Variants in MYCBPAP observed in about 807,000 individuals in gnomAD.
MYCBPAP encodes MYCBP-associated protein.
Under a neutral mutation model 106.1 loss-of-function variants are expected in MYCBPAP, and 60 were observed. That is an observed-to-expected ratio of 0.57 (90% CI 0.46 to 0.70). MYCBPAP has a LOEUF of 0.70. Among genes scored for constraint, MYCBPAP ranks in the 30% least tolerant of loss-of-function variants. The pLI is 0.00. For synonymous variants in MYCBPAP, 407 were observed against 440.6 expected (o/e 0.92, Z 0.95); for missense variants, 1,064 against 1,169.3 (o/e 0.91, Z 1.31).
rs368850825 is a variant in MYCBPAP, at chr17:50,523,811, G to A, written c.1635+27G>A. On this transcript the variant is annotated intron_variant, in intron 12 of 18. Coordinates refer to ENST00000323776, the MANE Select transcript of MYCBPAP (RefSeq NM_032133.6). ...TAAGGGACCCAGGACCATGGCCCCTGTGGACATCAGGTAGGGTATCCTGGT... is the reference window on the plus strand; with the variant it reads ...TAAGGGACCCAGGACCATGGCCCCTATGGACATCAGGTAGGGTATCCTGGT... The A allele has an allele frequency of 4.4e-6, 7 of 1,598,096 alleles. No individual in the cohort carries two copies. In the African/African-American group the frequency reaches 5.4e-5, roughly 12 times the overall value.
At chr17:50,513,085 G>A (rs1229220757) in intron 1 of MYCBPAP, among the ~76,000 whole-genome samples, 2 of 152,118 alleles carry the variant, frequency 1.3e-5, no homozygotes, top group Non-Finnish European at 2.9e-5. Flanking sequence ...AGGCATGTTG[G>A]TGCATGCCTG....
At position 50,519,643 on chromosome 17, in the gene MYCBPAP, T is replaced by G. The variant is rs755363695; in HGVS notation, c.772T>G (p.Trp258Gly). Residue 258 changes from tryptophan (W) to glycine (G), a missense_variant, in exon 7 of 19, where the codon TGG (tryptophan) becomes GGG (glycine). Coordinates refer to ENST00000323776, the MANE Select transcript of MYCBPAP (RefSeq NM_032133.6). ...CTCACCTTTCCTTCCTTGCCAGAGC[T>G]GGGAGAACAGTGGGTTCTGGAGTCG... is the stretch of plus-strand genomic sequence containing the variant. Reference protein sequence around the residue: ...TLPTRRDRKSWENSGFWSRLE... With the variant: ...TLPTRRDRKSGENSGFWSRLE... The G allele has an allele frequency of 6.2e-7, 1 of 1,613,960 alleles. No individual in the cohort carries two copies. Among genetic ancestry groups the G allele is most frequent in the African/African-American group, 1.3e-5 (1 of 74,924 alleles).
Position 50,524,910 on chromosome 17 carries a change from G to A in MYCBPAP, c.1669G>A (p.Val557Ile), listed in dbSNP as rs375348984. Residue 557 changes from valine to isoleucine, a missense_variant, in exon 13 of 19, where the codon GTT becomes ATT. Transcript: ENST00000323776. ...KLTAHEAVTV[V>I]REVLQELLMG... ...GACTGCCCATGAGGCAGTCACCGTC[G>A]TTCGCGAAGTGCTGCAGGAGCTGCT... 8.7e-6 allele frequency: 14 copies of A among 1,613,900 alleles called. No homozygotes were observed. The highest frequency in any genetic ancestry group is 2.2e-5 in the South Asian group (2 of 91,084).
At chr17:50,510,493 GTGTGTGTATA>G (rs1282919756) in intron 1 of MYCBPAP, 17 of 99,066 alleles carry the variant, frequency 1.7e-4, no homozygotes, top group African/African-American at 7.7e-4. Context: ...GTGTGTGTGT[GTGTGTGTATA>G]TATATATATA....
At chr17:50,511,066 A>AC (rs1340081129) in intron 1 of MYCBPAP, among the ~76,000 whole-genome samples, 1 of 151,514 alleles carries the variant, frequency 6.6e-6, no homozygotes, top group Non-Finnish European at 1.5e-5. Context: ...GAGGGAAAAA[A>AC]AATGAAGTGT....
intron 6 of MYCBPAP, 109 bp downstream of exon 6, chr17:50,519,198 GA>G: frequency 1.4e-6 from 1 of 731,668 alleles, no homozygotes; most frequent in Non-Finnish European, 2.3e-6. Context: ...CAGCTGGGGA[GA>G]AAAAACCTAT....
chr17:50,517,851 G>C (rs1441394527), intron 4 of MYCBPAP, among the ~76,000 whole-genome samples, 153 bp downstream of exon 4: 4 of 152,132 alleles, frequency 2.6e-5, no homozygotes, highest in African/African-American at 7.2e-5. Flanking sequence ...CAGAATAGTT[G>C]GACACTTCAG....
intron 15 of MYCBPAP, 141 bp downstream of exon 15, chr17:50,527,549 G>A (rs564800364): frequency 2.0e-5 from 22 of 1,097,738 alleles, no homozygotes; most frequent in Admixed American, 7.7e-5. Context: ...AACATTCCAC[G>A]TTCTGGAACC....
chr17:50,526,331 A>AC (rs1331597719), intron 14 of MYCBPAP, 64 bp downstream of exon 14: 1 of 1,501,056 alleles, frequency 6.7e-7, no homozygotes, highest in African/African-American at 1.4e-5. Flanking sequence ...ACAAGGGAGG[A>AC]CCCAGCAGCC....
intron 1 of MYCBPAP, chr17:50,509,002 C>T: frequency 1.4e-6 from 1 of 702,638 alleles, no homozygotes; most frequent in Non-Finnish European, 2.6e-6. Context: ...GGACCACTGG[C>T]TGGGGAGATG....
intron 9 of MYCBPAP, 115 bp downstream of exon 9, chr17:50,521,546 C>T (rs1311282465): frequency 1.3e-6 from 1 of 765,384 alleles, no homozygotes; most frequent in East Asian, 2.7e-5. Flanking sequence ...AGCTTCTGTC[C>T]AGTGGTTGCC....
rs373845465 is a variant in MYCBPAP, at chr17:50,529,142, T to G, written c.2678T>G (p.Ile893Arg). ...ATCATCCTCTCTTCTCAAGAACCCA[T>G]AGACCCCCTGGTCATGGGGAAATAC... ...PDIILSSQEP[I>R]DPLVMGKYTQ... Residue 893 changes from isoleucine to arginine, a missense_variant, in exon 18 of 19, where the codon ATA becomes AGA. Coordinates refer to ENST00000323776, the MANE Select transcript of MYCBPAP (RefSeq NM_032133.6). 3 of 1,613,682 alleles carry G rather than the reference T, an allele frequency of 1.9e-6. No homozygotes were observed. The highest frequency in any genetic ancestry group is 1.7e-5 in the Admixed American group (1 of 60,016).
At chr17:50,531,191 G>T in intron 18 of MYCBPAP, 136 bp from the exon 19 acceptor site, 1 of 561,826 alleles carries the variant, frequency 1.8e-6, no homozygotes. Flanking sequence ...TATTTCACAA[G>T]AACTTTGAAC....
chr17:50,528,734 T>C lies in MYCBPAP; in HGVS notation c.2447T>C (p.Val816Ala), dbSNP rs1354576306. The C allele has an allele frequency of 1.2e-6, 2 of 1,613,714 alleles. No individual in the cohort carries two copies. Among genetic ancestry groups the C allele is most frequent in the Admixed American group, 3.3e-5 (2 of 59,972 alleles). The change falls in exon 17 of 19, where the codon GTG (valine) becomes GCG (alanine). Residue 816 changes from valine to alanine, a missense_variant. Val to Ala is a moderately conservative substitution (Grantham distance 64). Coordinates refer to ENST00000323776, the MANE Select transcript of MYCBPAP (RefSeq NM_032133.6). The part of the protein sequence containing the change: ...SPPIMEVKVP[V>A]GKAGKEERKG... ...CCTATCATGGAAGTGAAGGTACCTG[T>C]GGGGAAAGCTGGGAAGGAGGAGCGG... is the stretch of plus-strand genomic sequence containing the variant.
In MYCBPAP at chr17:50,517,319, G is replaced by A. The variant is rs1471404059; in HGVS notation, c.231G>A (p.Lys77=). Residue 77 remains lysine (K), a synonymous_variant, in exon 3 of 19, where the codon AAG becomes AAA. Transcript: ENST00000323776. ...AACACATTCCTCGCCTTACTGAAAA[G>A]GAAGATAAACGTGTCATCACCCAGA... ...KEQHIPRLTE[K]EDKRVITQKF... 2 of 1,613,924 alleles carry A rather than the reference G, an allele frequency of 1.2e-6. No homozygotes were observed. The highest frequency in any genetic ancestry group is 1.3e-5 in the African/African-American group (1 of 74,868).
chr17:50,515,128 G>A (rs2033998070), intron 1 of MYCBPAP, among the ~76,000 whole-genome samples: 1 of 152,218 alleles, frequency 6.6e-6, no homozygotes, highest in South Asian at 2.1e-4. Context: ...TCTTTGGAAT[G>A]CCTGTTCCCC....
chr17:50,513,639 G>C (rs919682049), intron 1 of MYCBPAP, among the ~76,000 whole-genome samples: 1 of 152,198 alleles, frequency 6.6e-6, no homozygotes, highest in Non-Finnish European at 1.5e-5. Flanking sequence ...CTATTGACAC[G>C]TGGTAATTGT....
chr17:50,519,861 C>T (rs2034194935), intron 7 of MYCBPAP, 74 bp downstream of exon 7: 3 of 1,511,946 alleles, frequency 2.0e-6, no homozygotes, highest in Non-Finnish European at 2.7e-6. Context: ...AAGTGGCCAG[C>T]ATAGCTCTAC....
chr17:50,522,709 A>AAATATATATATATATAT, intron 10 of MYCBPAP: 12 of 50,042 alleles, frequency 2.4e-4, no homozygotes, highest in African/African-American at 8.4e-4. Flanking sequence ...AAAAAAAAAA[A>AAATATATATATATATAT]ATATATATAT....
Sources: allele counts gnomAD v4.1 joint callset (sites outside exome capture counted in the v4.1 genomes callset), GRCh38; gene constraint gnomAD v4.1.1; transcripts MANE v1.5; gene names NCBI Gene and HGNC (gene_info 2026-07-23, HGNC 2026-07-21).